The following CAST variants were observed in gnomAD, a reference collection of about 807,000 sequenced individuals.
CAST encodes the protein calpastatin, also known as MIR583 host.
A neutral mutation model predicts 119.6 loss-of-function variants in CAST; 76 were observed. That is an observed-to-expected ratio of 0.64 (90% CI 0.53 to 0.77). The LOEUF is 0.77. Ranked by LOEUF, CAST falls within the 30% of genes least tolerant of loss-of-function variation. The pLI is 0.00. For synonymous variants in CAST, 319 were observed against 331.6 expected, an observed-to-expected ratio of 0.96 and a Z score of 0.41; for missense variants, 953 against 946.5, an observed-to-expected ratio of 1.01 and a Z score of -0.09.
the CAST span, among the ~76,000 whole-genome samples, chr5:96,071,075 A>G: frequency 6.6e-6 from 1 of 152,040 alleles, no homozygotes; most frequent in Non-Finnish European, 1.5e-5. Flanking sequence ...TGGTATGCAG[A>G]GGTGCTTTGC....
chr5:96,760,515 C>G (rs7711564), intron 24 of CAST, among the ~76,000 whole-genome samples: 43,824 of 151,722 alleles, frequency 0.29, 6,834 homozygotes, highest in East Asian at 0.51. Flanking sequence ...ATTGTCATTT[C>G]TGCTTATTAT....
At chr5:96,518,377 G>T in the CAST span, among the ~76,000 whole-genome samples, 6 of 152,192 alleles carry the variant, frequency 3.9e-5, no homozygotes, top group Admixed American at 3.3e-4. Flanking sequence ...TAGATTATGG[G>T]ATATCTGGGA....
the CAST span, among the ~76,000 whole-genome samples, chr5:96,190,596 G>A: frequency 6.6e-6 from 1 of 152,064 alleles, no homozygotes; most frequent in Non-Finnish European, 1.5e-5. Context: ...TCTTTTTGCT[G>A]TTAAGGCCTC....
At chr5:96,684,204 G>A (rs574592340) in intron 2 of CAST, among the ~76,000 whole-genome samples, 1 of 152,324 alleles carries the variant, frequency 6.6e-6, no homozygotes, top group Non-Finnish European at 1.5e-5. Flanking sequence ...AAGAGTCAAT[G>A]TGAAGAACAA....
the CAST span, chr5:95,986,191 T>C: frequency 1.3e-5 from 2 of 152,216 alleles, no homozygotes; most frequent in Non-Finnish European, 2.9e-5. Context: ...TTTTTTTGCT[T>C]ATGGCTTTCA....
the CAST span, chr5:96,393,101 T>C: frequency 5.0e-6 from 8 of 1,614,214 alleles, no homozygotes; most frequent in South Asian, 1.1e-5. Context: ...ATAGTCATTA[T>C]ACAGACTGTC....
chr5:96,089,297 G>T, the CAST span, among the ~76,000 whole-genome samples: 5 of 152,022 alleles, frequency 3.3e-5, no homozygotes, highest in East Asian at 9.7e-4. Flanking sequence ...AGGCAATTTT[G>T]TTATGTTTAT....
chr5:96,712,096 G>A (rs967426565), intron 3 of CAST, among the ~76,000 whole-genome samples: 4 of 152,182 alleles, frequency 2.6e-5, no homozygotes, highest in Non-Finnish European at 5.9e-5. Context: ...TATATTTACA[G>A]CAGTTTCAAA....
At chr5:96,219,848 A>G in the CAST span, among the ~76,000 whole-genome samples, 2 of 152,194 alleles carry the variant, frequency 1.3e-5, no homozygotes, top group Non-Finnish European at 2.9e-5. Context: ...GGTGGTTGGC[A>G]TGTTTAATAT....
the CAST span, among the ~76,000 whole-genome samples, chr5:96,487,950 C>T: frequency 6.6e-6 from 1 of 152,184 alleles, no homozygotes; most frequent in African/African-American, 2.4e-5. Context: ...CTCCAGCATT[C>T]CACTAACCGT....
At chr5:96,656,795 C>A (rs1561440498) in intron 1 of CAST, among the ~76,000 whole-genome samples, 1 of 152,064 alleles carries the variant, frequency 6.6e-6, no homozygotes, top group Non-Finnish European at 1.5e-5. Flanking sequence ...GTGAGCCGGG[C>A]AGATATTCCA....
intron 1 of CAST, chr5:96,584,787 G>A (rs1746828526): frequency 6.6e-6 from 1 of 152,288 alleles, no homozygotes; most frequent in South Asian, 2.1e-4. Flanking sequence ...TGGTGTTTCT[G>A]TGGGTGTATG....
the CAST span, among the ~76,000 whole-genome samples, chr5:95,989,520 C>T: frequency 1.3e-5 from 2 of 152,120 alleles, no homozygotes; most frequent in African/African-American, 2.4e-5. Flanking sequence ...TTGAACACTG[C>T]TAATTGCTGA....
chr5:96,035,200 A>T, the CAST span, among the ~76,000 whole-genome samples: 1 of 105,528 alleles, frequency 9.5e-6, no homozygotes, highest in African/African-American at 3.6e-5. Flanking sequence ...ATAAGTATAT[A>T]TAAAAAATAT....
At chr5:96,169,525 T>C in the CAST span, among the ~76,000 whole-genome samples, 1 of 152,058 alleles carries the variant, frequency 6.6e-6, no homozygotes, top group Non-Finnish European at 1.5e-5. Flanking sequence ...TTTGGACAGG[T>C]AAAATGGGGG....
At chr5:96,176,849 A>G in the CAST span, among the ~76,000 whole-genome samples, 72 of 152,298 alleles carry the variant, frequency 4.7e-4, no homozygotes, top group Middle Eastern at 3.4e-3. Flanking sequence ...TTTGGAGCTC[A>G]ATGGAATTAC....
the CAST span, among the ~76,000 whole-genome samples, chr5:96,277,908 T>C: frequency 6.6e-6 from 1 of 151,916 alleles, no homozygotes; most frequent in African/African-American, 2.4e-5. Context: ...AGGCCATGAG[T>C]GTGGTGGTGG....
the CAST span, among the ~76,000 whole-genome samples, chr5:96,160,541 T>G: frequency 3.3e-5 from 5 of 152,324 alleles, no homozygotes; most frequent in Admixed American, 3.3e-4. Flanking sequence ...TTTTCACTTT[T>G]TGGCTATTAT....
intron 1 of CAST, among the ~76,000 whole-genome samples, chr5:96,546,843 A>G (rs1363134366): frequency 6.6e-6 from 1 of 152,184 alleles, no homozygotes; most frequent in East Asian, 1.9e-4. Context: ...TGTGCATCAT[A>G]TTCAATTAAC....
Sources: allele counts gnomAD v4.1 joint callset (sites outside exome capture counted in the v4.1 genomes callset), GRCh38; gene constraint gnomAD v4.1.1; transcripts MANE v1.5; gene names NCBI Gene and HGNC (gene_info 2026-07-23, HGNC 2026-07-21).